DTD1: variants seen among roughly 807,000 people sequenced by gnomAD.
The protein encoded by DTD1 is D-tyrosyl-tRNA deacylase 1 homolog.
Under a neutral mutation model 25.6 loss-of-function variants are expected in DTD1, and 13 were observed. The ratio of observed to expected loss-of-function variants is 0.51; its 90% CI spans 0.33 to 0.81. The LOEUF (loss-of-function observed/expected upper bound fraction) is 0.81. Ranked by LOEUF, DTD1 falls within the 30% of genes least tolerant of loss-of-function variation. The pLI is 0.02. For synonymous variants in DTD1, 110 were observed against 103.6 expected, an observed-to-expected ratio of 1.06 and a Z score of -0.37; for missense variants, 193 against 266.4, an observed-to-expected ratio of 0.72 and a Z score of 1.92.
At chr20:18,593,058 A>G (rs1434063333) in intron 1 of DTD1, among the ~76,000 whole-genome samples, 2 of 152,112 alleles carry the variant, frequency 1.3e-5, no homozygotes, top group Non-Finnish European at 2.9e-5. Context: ...AAATACATAT[A>G]CAAATGTTAG....
intron 3 of DTD1, among the ~76,000 whole-genome samples, chr20:18,601,925 A>G (rs1393339707): frequency 6.7e-6 from 1 of 150,032 alleles, no homozygotes; most frequent in African/African-American, 2.4e-5. Flanking sequence ...CTGGATGGAG[A>G]ATGACTTTGA....
In DTD1 at chr20:18,593,801, G is replaced by T. The variant is rs35862400; in HGVS notation, c.114G>T (p.Thr38=). 3.7e-6 allele frequency: 6 copies of T among 1,613,668 alleles called. No homozygotes were observed. Among genetic ancestry groups the T allele is most frequent in the Non-Finnish European group, 5.1e-6 (6 of 1,179,692 alleles). ...TGCTGGGTATTTCCCTGGAGGATAC[G>T]CAGAAGGAACTGGAACACATGTAAG... is the stretch of plus-strand genomic sequence containing the variant. The part of the protein sequence containing the change: ...CVLLGISLED[T]QKELEHMVRK... Residue 38 remains threonine (T), a synonymous_variant, in exon 2 of 6, where the codon ACG becomes ACT. Coordinates refer to ENST00000377452, the MANE Select transcript of DTD1 (RefSeq NM_080820.6).
At chr20:18,690,612 T>C (rs1373986277) in intron 4 of DTD1, among the ~76,000 whole-genome samples, 1 of 152,212 alleles carries the variant, frequency 6.6e-6, no homozygotes, top group Non-Finnish European at 1.5e-5. Context: ...GCTTTCCCCA[T>C]TGCTTATTTT....
chr20:18,666,566 C>T (rs146816008), intron 4 of DTD1, among the ~76,000 whole-genome samples: 5 of 152,202 alleles, frequency 3.3e-5, no homozygotes, highest in African/African-American at 1.2e-4. Context: ...GTTAATTAGA[C>T]GTCCTGTATT....
intron 4 of DTD1, chr20:18,631,224 G>C: frequency 1.0e-6 from 1 of 985,436 alleles, no homozygotes; most frequent in Non-Finnish European, 1.2e-6. Context: ...GCCAGGACCA[G>C]CTACATAATT....
chr20:18,704,108 C>G (rs976285382), intron 4 of DTD1, among the ~76,000 whole-genome samples: 6 of 151,440 alleles, frequency 4.0e-5, no homozygotes, highest in Non-Finnish European at 8.8e-5. Flanking sequence ...TCACGCCATT[C>G]TCCTGCTTCA....
intron 4 of DTD1, among the ~76,000 whole-genome samples, chr20:18,657,263 T>A (rs948208292): frequency 6.6e-6 from 1 of 152,210 alleles, no homozygotes; most frequent in East Asian, 1.9e-4. Flanking sequence ...ACAGGTAACC[T>A]AGCACTGGGC....
chr20:18,589,956 G>A (rs895272227), intron 1 of DTD1, among the ~76,000 whole-genome samples: 15 of 152,180 alleles, frequency 9.9e-5, no homozygotes, highest in African/African-American at 3.4e-4. Context: ...ACTTATGCAG[G>A]CCTTCTAGTT....
At chr20:18,668,196 A>G (rs1481302073) in intron 4 of DTD1, among the ~76,000 whole-genome samples, 1 of 152,128 alleles carries the variant, frequency 6.6e-6, no homozygotes, top group Non-Finnish European at 1.5e-5. Flanking sequence ...AGTACCAGTT[A>G]TTATCTATTT....
chr20:18,600,249 A>G (rs1264821729), intron 3 of DTD1, among the ~76,000 whole-genome samples: 1 of 152,134 alleles, frequency 6.6e-6, no homozygotes, highest in East Asian at 1.9e-4. Context: ...TTTTACATTT[A>G]GGCCTATGAT....
chr20:18,648,426 G>A (rs1453527057), intron 4 of DTD1, among the ~76,000 whole-genome samples: 2 of 152,186 alleles, frequency 1.3e-5, no homozygotes, highest in African/African-American at 4.8e-5. Context: ...GATGTACAGC[G>A]AGGGACCAGG....
intron 4 of DTD1, chr20:18,643,348 G>A (rs1289179640): frequency 2.0e-5 from 5 of 250,834 alleles, no homozygotes; most frequent in East Asian, 2.1e-4. Flanking sequence ...TTCTCTACCA[G>A]GTTGATCTTG....
chr20:18,588,359 C>G (rs1015685751), intron 1 of DTD1, among the ~76,000 whole-genome samples: 1 of 152,088 alleles, frequency 6.6e-6, no homozygotes, highest in African/African-American at 2.4e-5. Flanking sequence ...TTCCGGCTCT[C>G]GGCAGAGGGT....
intron 4 of DTD1, among the ~76,000 whole-genome samples, chr20:18,669,981 A>C (rs1048437002): frequency 6.6e-6 from 1 of 152,098 alleles, no homozygotes; most frequent in African/African-American, 2.4e-5. Flanking sequence ...GCACACCTGC[A>C]TTTTCTTGTC....
rs1430135123 is a variant in DTD1, at chr20:18,627,210, C to G, written c.371-917C>G. 2.5e-5 allele frequency among the ~76,000 whole-genome samples: 3 copies of G among 118,566 alleles called. No homozygotes were observed. In the Admixed American group the frequency reaches 2.6e-4, roughly 10 times the overall value. The allele number at this position is 118,566 out of a possible 152,430, so 77.8% of individuals were successfully genotyped here. A position where few individuals can be genotyped will look rare whatever the true frequency, so the allele number is the denominator to read the frequency against. ...CAAAGAAAGCTGTCTGTTGGCATGC[C>G]CATTTTGCTGAGTCCTTCTGAAGTT... On this transcript the variant is annotated intron_variant, in intron 3 of 5. Coordinates refer to ENST00000377452, the MANE Select transcript of DTD1 (RefSeq NM_080820.6).
At chr20:18,610,119 G>T (rs1272864965) in intron 3 of DTD1, among the ~76,000 whole-genome samples, 1 of 152,194 alleles carries the variant, frequency 6.6e-6, no homozygotes, top group Non-Finnish European at 1.5e-5. Context: ...TATCAGAAAA[G>T]CATAAGTGAA....
chr20:18,765,639 T>C lies in DTD1; in HGVS notation c.*2299T>C, dbSNP rs2061376796. 6.6e-6 allele frequency: 1 copy of C among 152,114 alleles called. No individual in the cohort carries two copies. 9.4% of individuals were successfully genotyped at this position (152,114 alleles called of 1,614,324 possible). A position where few individuals can be genotyped will look rare whatever the true frequency, so the allele number is the denominator to read the frequency against. ...AAGCTCAAGAAGAAACCCCATAATATCTGCAGCTGCCTCAAAAAGGTGGTT... is the reference window on the plus strand; with the variant it reads ...AAGCTCAAGAAGAAACCCCATAATACCTGCAGCTGCCTCAAAAAGGTGGTT... On this transcript the variant is annotated 3_prime_UTR_variant, in exon 6 of 6. Coordinates refer to ENST00000377452, the MANE Select transcript of DTD1 (RefSeq NM_080820.6).
At chr20:18,641,811 A>G (rs1159988691) in intron 4 of DTD1, among the ~76,000 whole-genome samples, 1 of 152,122 alleles carries the variant, frequency 6.6e-6, no homozygotes, top group Non-Finnish European at 1.5e-5. Context: ...CATCCTGTGG[A>G]TTACCTTTTC....
chr20:18,651,828 A>G (rs1237491465), intron 4 of DTD1, among the ~76,000 whole-genome samples: 3 of 152,240 alleles, frequency 2.0e-5, no homozygotes, highest in Non-Finnish European at 4.4e-5. Flanking sequence ...GGCTAAGAAC[A>G]CTGCCCCAAA....
Sources: allele counts gnomAD v4.1 joint callset (sites outside exome capture counted in the v4.1 genomes callset), GRCh38; gene constraint gnomAD v4.1.1; transcripts MANE v1.5; gene names NCBI Gene and HGNC (gene_info 2026-07-23, HGNC 2026-07-21).